Variants in NCKAP1 observed in about 807,000 individuals in gnomAD.
The protein encoded by NCKAP1 is nck-associated protein 1.
NCKAP1 carries 21 observed loss-of-function variants against 151.2 expected under a neutral mutation model. The ratio of observed to expected loss-of-function variants is 0.14; its 90% CI spans 0.10 to 0.20. The LOEUF (loss-of-function observed/expected upper bound fraction) is 0.20, where lower values mean the gene tolerates loss of function less well. Ranked by LOEUF, NCKAP1 falls within the 10% of genes least tolerant of loss-of-function variation. The probability of loss-of-function intolerance (pLI) is 1.00; values close to 1 mark genes in which losing one functional copy is unlikely to be tolerated. For synonymous variants in NCKAP1, 484 were observed against 451.8 expected (o/e 1.07, Z -0.90); for missense variants, 933 against 1,352.1 (o/e 0.69, Z 4.86).
chr2:183,025,736 GA>G (rs940619342), intron 1 of NCKAP1, among the ~76,000 whole-genome samples: 1 of 151,928 alleles, frequency 6.6e-6, no homozygotes, highest in African/African-American at 2.4e-5. Context: ...TAATAGCTAA[GA>G]ATAATAATCA....
chr2:183,002,152 C>T lies in NCKAP1; in HGVS notation c.487G>A (p.Ala163Thr), dbSNP rs1698386121. 1.2e-6 allele frequency: 2 copies of T among 1,613,050 alleles called. No homozygotes were observed. The highest frequency in any genetic ancestry group is 1.7e-6 in the Non-Finnish European group (2 of 1,179,336). Reference protein sequence around the residue: ...RKAIIGLYNYAHEMTHGASDR... With the variant: ...RKAIIGLYNYTHEMTHGASDR... ...CTTGCTCCATGAGTCATTTCATGGG[C>T]ATAGTTGTATAATCCAATGATTGCC... Residue 163 changes from alanine (A) to threonine (T), a missense_variant, in exon 5 of 31, where the codon GCC (alanine) becomes ACC (threonine). Physicochemically the swap from Ala to Thr is moderately conservative, Grantham distance 58. Around this residue, in one of 2 missense-constraint regions of NCKAP1, gnomAD observed 607 missense variants for 795.0 expected, o/e 0.76. Transcript: ENST00000361354.
At chr2:183,002,481 A>T (rs950198190) in intron 4 of NCKAP1, among the ~76,000 whole-genome samples, 1 of 152,146 alleles carries the variant, frequency 6.6e-6, no homozygotes, top group African/African-American at 2.4e-5. Flanking sequence ...TGGATGAAAG[A>T]AAAAGAGCTT....
In NCKAP1 at chr2:183,023,765, G is replaced by A. The variant is rs757748698; in HGVS notation, c.219+41C>T. On this transcript the variant is annotated intron_variant, in intron 2 of 30. Transcript: ENST00000361354. ...TGTGTTGACCACTGTTTCTCTAAAA[G>A]ATGCTTAAAATTAAGCAATAGAAAA... The A allele has an allele frequency of 1.5e-5, 22 of 1,468,162 alleles. No homozygotes were observed. In the South Asian group the frequency reaches 2.5e-4, roughly 17 times the overall value. 90.9% of individuals were successfully genotyped at this position (1,468,162 alleles called of 1,614,324 possible).
At chr2:182,989,567 C>A (rs117970933) in intron 8 of NCKAP1, among the ~76,000 whole-genome samples, 1 of 152,092 alleles carries the variant, frequency 6.6e-6, no homozygotes, top group African/African-American at 2.4e-5. Flanking sequence ...TATCTTGGGG[C>A]CCGGTGCTGT....
intron 2 of NCKAP1, among the ~76,000 whole-genome samples, chr2:183,013,077 T>C (rs1698619284): frequency 6.6e-6 from 1 of 152,152 alleles, no homozygotes; most frequent in Non-Finnish European, 1.5e-5. Flanking sequence ...TCATGATCAT[T>C]GACCACAACT....
rs200960008 is a variant in NCKAP1 at position 182,989,070 on chromosome 2, T to C, written c.907A>G (p.Ile303Val). ...AATAAGTCTTCTGCAGCTTTGTGAA[T>C]GTGGAAAACTTCATCCCGAAAGAGA... ...LSLFRDEVFH[I>V]HKAAEDLFVN... Residue 303 changes from isoleucine (I) to valine (V), a missense_variant, in exon 9 of 31, where the codon ATT (isoleucine) becomes GTT (valine). Ile to Val is a conservative substitution (Grantham distance 29). Coordinates refer to ENST00000361354, the MANE Select transcript of NCKAP1 (RefSeq NM_013436.5). 2 of 1,613,578 alleles carry C rather than the reference T, an allele frequency of 1.2e-6. No individual in the cohort carries two copies. The highest frequency in any genetic ancestry group is 2.2e-5 in the East Asian group (1 of 44,866).
chr2:182,969,348 T>C (rs960790545), intron 15 of NCKAP1, among the ~76,000 whole-genome samples: 1 of 152,042 alleles, frequency 6.6e-6, no homozygotes, highest in South Asian at 2.1e-4. Context: ...CTGAACAATG[T>C]AGAAATTAAG....
rs760843887 is a variant in NCKAP1, at chr2:182,952,530, CT to C, written c.2504-29del. The C allele has an allele frequency of 3.4e-6, 5 of 1,472,590 alleles. No individual in the cohort carries two copies. The African/African-American group carries it at 7.1e-5, about 21-fold the overall frequency. 91.2% of individuals were successfully genotyped at this position (1,472,590 alleles called of 1,614,324 possible). On this transcript the variant is annotated intron_variant, in intron 22 of 30. Coordinates refer to ENST00000361354, the MANE Select transcript of NCKAP1 (RefSeq NM_013436.5). ...GAAAGAAAACATACTTAATTTTATA[CT>C]TCCGACAGAGCAAATACTTTAAGAA...
At chr2:182,983,576 C>A (rs1223224493) in intron 10 of NCKAP1, among the ~76,000 whole-genome samples, 194 bp from the exon 11 acceptor site, 1 of 152,096 alleles carries the variant, frequency 6.6e-6, no homozygotes, top group African/African-American at 2.4e-5. Context: ...TCTTATGTTG[C>A]TTTTTAAACT....
chr2:182,972,224 C>CAAAAAA (rs56834438), intron 15 of NCKAP1, among the ~76,000 whole-genome samples: 104 of 67,652 alleles, frequency 1.5e-3, no homozygotes, highest in East Asian at 3.2e-3. Context: ...AGCTTAATAG[C>CAAAAAA]AAAAAAAAAA....
intron 20 of NCKAP1, among the ~76,000 whole-genome samples, chr2:182,956,030 A>C (rs1697317889): frequency 2.0e-5 from 3 of 152,088 alleles, no homozygotes; most frequent in Non-Finnish European, 4.4e-5. Context: ...TCAGTTCACT[A>C]TTCTTTGCAT....
At chr2:183,011,449 T>G (rs1698588102) in intron 2 of NCKAP1, among the ~76,000 whole-genome samples, 1 of 152,240 alleles carries the variant, frequency 6.6e-6, no homozygotes, top group South Asian at 2.1e-4. Context: ...ATCCTGCTGT[T>G]ACTCCCAAGC....
In NCKAP1 at chr2:183,018,328, G is replaced by A. The variant is rs1698734018; in HGVS notation, c.219+5478C>T. 2.0e-5 allele frequency among the ~76,000 whole-genome samples: 3 copies of A among 152,190 alleles called. No individual in the cohort carries two copies. In the South Asian group the frequency reaches 6.2e-4, roughly 31 times the overall value. On this transcript the variant is annotated intron_variant, in intron 2 of 30. Transcript: ENST00000361354. ...AAATTATCCAGCTAATAAGTGGAAAGACCAGAACTCAAATTCTGGTTTACT... is the reference window on the plus strand; with the variant it reads ...AAATTATCCAGCTAATAAGTGGAAAAACCAGAACTCAAATTCTGGTTTACT...
Position 182,981,259 on chromosome 2 carries a change from G to A in NCKAP1, c.1326C>T (p.Leu442=). 6.2e-7 allele frequency: 1 copy of A among 1,613,464 alleles called. No homozygotes were observed. Among genetic ancestry groups the A allele is most frequent in the Non-Finnish European group, 8.5e-7 (1 of 1,179,624 alleles). The change falls in exon 13 of 31, where the codon CTC becomes CTT. Residue 442 remains leucine (L), a synonymous_variant. Coordinates refer to ENST00000361354, the MANE Select transcript of NCKAP1 (RefSeq NM_013436.5). Reference sequence around the variant, plus strand: ...TAGTTTTTACCTGCACGAGTTCATTGAGGACAACAGCATCAAAGCCAGAAA... The same window carrying A: ...TAGTTTTTACCTGCACGAGTTCATTAAGGACAACAGCATCAAAGCCAGAAA... ...QYLSGFDAVV[L]NELVQNLSVC...
Position 182,988,199 on chromosome 2 carries a change from G to A in NCKAP1, c.947+831C>T, listed in dbSNP as rs535060923. Among the ~76,000 whole-genome samples the A allele has an allele frequency of 3.3e-5, 5 of 152,066 alleles. No homozygotes were observed. In the South Asian group the frequency reaches 1.0e-3, roughly 32 times the overall value. Reference sequence around the variant, plus strand: ...GTAATTCTTATGTACACTAAAATGTGGGATATATTGGCTTACATTTAGCGT... The same window carrying A: ...GTAATTCTTATGTACACTAAAATGTAGGATATATTGGCTTACATTTAGCGT... On this transcript the variant is annotated intron_variant, in intron 9 of 30. Transcript: ENST00000361354.
intron 24 of NCKAP1, among the ~76,000 whole-genome samples, chr2:182,940,370 G>A (rs1000145014): frequency 1.3e-5 from 2 of 151,992 alleles, no homozygotes; most frequent in African/African-American, 2.4e-5. Context: ...ATGCTACCAC[G>A]TCTATTTTTT....
chr2:182,949,562 G>A (rs1376078540), intron 23 of NCKAP1, among the ~76,000 whole-genome samples: 5 of 152,218 alleles, frequency 3.3e-5, no homozygotes, highest in African/African-American at 1.2e-4. Context: ...AGCACTTTAA[G>A]AGGCTGAGGT....
intron 6 of NCKAP1, among the ~76,000 whole-genome samples, chr2:182,999,605 G>T (rs1426649100): frequency 6.6e-6 from 1 of 152,138 alleles, no homozygotes; most frequent in Non-Finnish European, 1.5e-5. Context: ...ACTTCTGAAA[G>T]AACCAAAAAT....
chr2:183,011,623 T>C (rs937585414), intron 2 of NCKAP1, among the ~76,000 whole-genome samples: 1 of 152,250 alleles, frequency 6.6e-6, no homozygotes, highest in Non-Finnish European at 1.5e-5. Flanking sequence ...AGTAGTATTC[T>C]GTTAAATGTA....
Sources: gnomAD v4.1 joint callset for allele counts (sites outside exome capture counted in the v4.1 genomes callset) on GRCh38, gnomAD v4.1.1 for gene constraint, gnomAD v4.1.1 regional missense constraint, MANE v1.5 for transcripts, NCBI Gene and HGNC (gene_info 2026-07-23, HGNC 2026-07-21) for gene names.